The following BCL6 variants were observed in gnomAD, a reference collection of about 807,000 sequenced individuals.
BCL6 encodes B-cell lymphoma 6 protein.
In BCL6, 7 loss-of-function variants were observed where a neutral mutation model predicts 59.5. That is an observed-to-expected ratio of 0.12 (90% CI 0.07 to 0.22). The LOEUF is 0.22. Ranked by LOEUF, BCL6 falls within the 10% of genes least tolerant of loss-of-function variation. The probability of loss-of-function intolerance (pLI) is 1.00; values close to 1 mark genes in which losing one functional copy is unlikely to be tolerated. For missense variants in BCL6, 685 were observed against 939.4 expected (o/e 0.73, Z 3.54); for synonymous variants, 339 against 349.7 (o/e 0.97, Z 0.34).
At position 187,722,362 on chromosome 3, in the gene BCL6, G is replaced by A; in HGVS notation, c.*96C>T. 8.5e-7 allele frequency: 1 copy of A among 1,176,524 alleles called. No individual in the cohort carries two copies. Among genetic ancestry groups the A allele is most frequent in the Admixed American group, 3.1e-5 (1 of 32,230 alleles). The allele number at this position is 1,176,524 out of a possible 1,614,324, so 72.9% of individuals were successfully genotyped here. The stretch of plus-strand genomic sequence containing the variant: ...TGATTTGCACTAGTGGATGAAAGAG[G>A]CACTACATCATGGGATGAACATTGT... On this transcript the variant is annotated 3_prime_UTR_variant, in exon 10 of 10. Transcript: ENST00000406870.
At position 187,725,588 on chromosome 3, in the gene BCL6, T is replaced by G. The variant is rs1302792965; in HGVS notation, c.1750A>C (p.Asn584His). The change falls in exon 8 of 10, where the codon AAC becomes CAC. Residue 584 changes from asparagine to histidine, a missense_variant. Physicochemically the swap from Asn to His is moderately conservative, Grantham distance 68. Around this residue, in one of 7 missense-constraint regions of BCL6, gnomAD observed 42 missense variants for 101.7 expected, o/e 0.41. Transcript: ENST00000406870. This position sits in a 1 kb window ranked among gnomAD's most constrained non-coding sequence, Gnocchi z 4.7. ...TGGGTTTTCAGGTTGGCTGGCCGGT[T>G]GAACTGGGCCCCACAGATGTTGCAA... ...YRCNICGAQFNRPANLKTHTR... is the reference protein window; with the variant it reads ...YRCNICGAQFHRPANLKTHTR... The G allele has an allele frequency of 6.2e-7, 1 of 1,614,110 alleles. No homozygotes were observed. The highest frequency in any genetic ancestry group is 8.5e-7 in the Non-Finnish European group (1 of 1,180,052).
intron 1 of BCL6, among the ~76,000 whole-genome samples, chr3:187,743,362 G>T (rs975264193): frequency 8.6e-5 from 13 of 152,016 alleles, no homozygotes; most frequent in Admixed American, 6.5e-5. Flanking sequence ...GGGGCGCGGA[G>T]TGGAGATTGG....
At chr3:187,727,921 T>C (rs1412143230) in intron 6 of BCL6, among the ~76,000 whole-genome samples, 1 of 152,190 alleles carries the variant, frequency 6.6e-6, no homozygotes. Context: ...TCCTACCCCA[T>C]GCTAGGGACT....
At position 187,729,633 on chromosome 3, in the gene BCL6, T is replaced by C. The variant is rs1718924121; in HGVS notation, c.772A>G (p.Ile258Val). ...EVSPNVCHSNIYSPKETIPEE... is the reference protein window; with the variant it reads ...EVSPNVCHSNVYSPKETIPEE... ...GGGATTGTTTCCTTGGGTGAATAGA[T>C]ATTGCTGTGGCACACATTGGGGGAC... Residue 258 changes from isoleucine to valine, a missense_variant, in exon 5 of 10, where the codon ATC (isoleucine) becomes GTC (valine). Transcript: ENST00000406870. This position sits in a 1 kb window ranked among gnomAD's most constrained non-coding sequence, Gnocchi z 5.6. 1 of 1,614,098 alleles carries C rather than the reference T, an allele frequency of 6.2e-7. No individual in the cohort carries two copies. Among genetic ancestry groups the C allele is most frequent in the South Asian group, 1.1e-5 (1 of 91,068 alleles).
At chr3:187,745,131 A>C (rs981864387) in intron 1 of BCL6, among the ~76,000 whole-genome samples, 1 of 152,234 alleles carries the variant, frequency 6.6e-6, no homozygotes, top group African/African-American at 2.4e-5. Flanking sequence ...AATAATAATA[A>C]TAAATACATA....
At chr3:187,745,212 G>A (rs559944372) in intron 1 of BCL6, among the ~76,000 whole-genome samples, 198 bp downstream of exon 1, 5 of 151,894 alleles carry the variant, frequency 3.3e-5, no homozygotes, top group East Asian at 1.9e-4. Context: ...CTGACAGCTA[G>A]AATAAATAAA....
chr3:187,725,751 CT>C lies in BCL6; in HGVS notation c.1709-123del. 7.9e-7 allele frequency: 1 copy of C among 1,264,250 alleles called. No individual in the cohort carries two copies. The highest frequency in any genetic ancestry group is 1.1e-6 in the Non-Finnish European group (1 of 918,628). 78.3% of individuals were successfully genotyped at this position (1,264,250 alleles called of 1,614,324 possible). ...TGAGGCCACTTGTGTTTTCCTTTCC[CT>C]TAGGGAATGTGAGAGAGAGAATCCA... On this transcript the variant is annotated intron_variant, in intron 7 of 9. Transcript: ENST00000406870. The surrounding 1 kb of genome is among the most constrained non-coding windows in gnomAD (Gnocchi z 4.7).
chr3:187,723,490 T>A (rs1718523293), intron 9 of BCL6, among the ~76,000 whole-genome samples: 1 of 152,236 alleles, frequency 6.6e-6, no homozygotes, highest in Non-Finnish European at 1.5e-5. Context: ...TGTATGGAAC[T>A]AACGTAAGAT....
At chr3:187,744,505 C>G (rs1456907828) in intron 1 of BCL6, among the ~76,000 whole-genome samples, 1 of 151,970 alleles carries the variant, frequency 6.6e-6, no homozygotes, top group Non-Finnish European at 1.5e-5. Flanking sequence ...ACACTCGGCT[C>G]TCATTAGGAA....
At chr3:187,744,878 A>G (rs1576885792) in intron 1 of BCL6, among the ~76,000 whole-genome samples, 1 of 152,248 alleles carries the variant, frequency 6.6e-6, no homozygotes, top group African/African-American at 2.4e-5. Context: ...CAGAGAGATC[A>G]CAAGCCGTAC....
rs867667129 is a variant in BCL6, at chr3:187,743,036, G to C, written c.-50+2374C>G. Among the ~76,000 whole-genome samples the C allele has an allele frequency of 1.1e-3, 161 of 144,968 alleles. 1 individual carries two copies. The highest frequency in any genetic ancestry group is 3.7e-3 in the African/African-American group (144 of 38,458). On this transcript the variant is annotated intron_variant, in intron 1 of 9. Transcript: ENST00000406870. ...TGCCGCCCCCTCTTTTTTTTTTTAA[G>C]TTATTTATTAAAACCACACACACCT...
At chr3:187,735,985 G>A (rs532228382) in intron 1 of BCL6, 8 of 152,346 alleles carry the variant, frequency 5.3e-5, no homozygotes, top group East Asian at 3.9e-4. Flanking sequence ...ATCAGCCTAC[G>A]TGCTGTAGAA....
At chr3:187,739,124 C>T (rs1025235935) in intron 1 of BCL6, among the ~76,000 whole-genome samples, 1 of 152,208 alleles carries the variant, frequency 6.6e-6, no homozygotes, top group Non-Finnish European at 1.5e-5. Context: ...CCCCTCCTCT[C>T]CAGCCAGAGA....
intron 1 of BCL6, among the ~76,000 whole-genome samples, chr3:187,743,623 T>C (rs1419051755): frequency 1.3e-5 from 2 of 152,118 alleles, no homozygotes; most frequent in Middle Eastern, 3.4e-3. Context: ...TTCGCCAGGG[T>C]TCCAATAACA....
At chr3:187,745,027 C>A (rs916645234) in intron 1 of BCL6, among the ~76,000 whole-genome samples, 1 of 152,008 alleles carries the variant, frequency 6.6e-6, no homozygotes, top group Non-Finnish European at 1.5e-5. Context: ...TAATTCCCCT[C>A]CTTCCTCTCC....
chr3:187,742,897 C>A (rs1258560901), intron 1 of BCL6, among the ~76,000 whole-genome samples: 2 of 152,140 alleles, frequency 1.3e-5, no homozygotes, highest in African/African-American at 4.8e-5. Flanking sequence ...AGCGTGTGGA[C>A]TAGGGCCAGA....
At position 187,730,004 on chromosome 3, in the gene BCL6, G is replaced by A. The variant is rs922510534; in HGVS notation, c.401C>T (p.Ser134Phe). The A allele has an allele frequency of 6.4e-7, 1 of 1,571,202 alleles. No individual in the cohort carries two copies. The highest frequency in any genetic ancestry group is 8.6e-7 in the Non-Finnish European group (1 of 1,156,708). Residue 134 changes from serine (S) to phenylalanine (F), a missense_variant, in exon 5 of 10, where the codon TCT becomes TTT. Around this residue, in one of 7 missense-constraint regions of BCL6, gnomAD observed 268 missense variants for 263.8 expected, o/e 1.02. Coordinates refer to ENST00000406870, the MANE Select transcript of BCL6 (RefSeq NM_001706.5). ...FIKASEAEMV[S>F]AIKPPREEFL... is the part of the protein sequence containing the mutation. ...CTCTTCACGAGGAGGCTTGATGGCA[G>A]AAACCATCTCTGCTTCACTGTGAAA... is the stretch of plus-strand genomic sequence containing the variant.
intron 1 of BCL6, among the ~76,000 whole-genome samples, chr3:187,744,781 A>C (rs1711819592): frequency 6.6e-6 from 1 of 151,354 alleles, no homozygotes; most frequent in African/African-American, 2.4e-5. Context: ...GAAAAAGAGG[A>C]GGGAGGGAAG....
chr3:187,722,701 G>A lies in BCL6; in HGVS notation c.1978-100C>T, dbSNP rs188364547. 73 of 1,486,776 alleles carry A rather than the reference G, an allele frequency of 4.9e-5. No homozygotes were observed. The East Asian group carries it at 1.2e-3, about 24-fold the overall frequency. 92.1% of individuals were successfully genotyped at this position (1,486,776 alleles called of 1,614,324 possible). ...GGAAGATTCTCCCTACGAGGGACTG[G>A]GGCAGCTCTTGCCTCTCCAAGGCCA... On this transcript the variant is annotated intron_variant, in intron 9 of 9. Transcript: ENST00000406870.
Sources: allele counts gnomAD v4.1 joint callset (sites outside exome capture counted in the v4.1 genomes callset), GRCh38; gene constraint gnomAD v4.1.1; regional missense constraint gnomAD v4.1.1; non-coding constraint Gnocchi (gnomAD v3.1); transcripts MANE v1.5; gene names NCBI Gene and HGNC (gene_info 2026-07-23, HGNC 2026-07-21).